KNDC1: variants seen among roughly 807,000 people sequenced by gnomAD.
KNDC1 encodes the protein kinase non-catalytic C-lobe domain containing 1, also known as kinase non-catalytic C-lobe domain-containing protein 1.
Under a neutral mutation model 172.8 loss-of-function variants are expected in KNDC1, and 106 were observed. The observed-to-expected ratio is 0.61, with a 90% CI of 0.52 to 0.72. KNDC1 has a LOEUF of 0.72. KNDC1 is among the 30% of genes least tolerant of loss of function. KNDC1 has a pLI of 0.00. For synonymous variants in KNDC1, 1,083 were observed against 1,062.2 expected (o/e 1.02, Z -0.38); for missense variants, 2,325 against 2,394.5 (o/e 0.97, Z 0.61).
At chr10:133,213,434 G>A (rs1845411928) in intron 24 of KNDC1, among the ~76,000 whole-genome samples, 1 of 152,238 alleles carries the variant, frequency 6.6e-6, no homozygotes, top group Non-Finnish European at 1.5e-5. Context: ...TCCACCTGCT[G>A]TCACGAGGGC....
intron 1 of KNDC1, among the ~76,000 whole-genome samples, chr10:133,162,537 C>A (rs1029463224): frequency 1.3e-5 from 2 of 152,206 alleles, no homozygotes; most frequent in East Asian, 1.9e-4. Flanking sequence ...GGACACCCAC[C>A]GGAGCCCCTG....
rs991955382 is a variant in KNDC1, at chr10:133,212,897, T to A, written c.4418T>A (p.Phe1473Tyr). The A allele has an allele frequency of 4.3e-6, 7 of 1,613,282 alleles. No individual in the cohort carries two copies. Among genetic ancestry groups the A allele is most frequent in the Non-Finnish European group, 5.9e-6 (7 of 1,179,542 alleles). ...ACGGAGTACAGCACTCACCAGCTCT[T>A]CAGCCAGCTCACGCTGCTACAGCAG... ...FLTEYSTHQLFSQLTLLQQEL... is the reference protein window; with the variant it reads ...FLTEYSTHQLYSQLTLLQQEL... Residue 1473 changes from phenylalanine (F) to tyrosine (Y), a missense_variant, in exon 24 of 30, where the codon TTC becomes TAC. Transcript: ENST00000304613.
intron 20 of KNDC1, 46 bp from the exon 21 acceptor site, chr10:133,210,565 G>C (rs1845342189): frequency 8.6e-7 from 1 of 1,167,728 alleles, no homozygotes; most frequent in Non-Finnish European, 1.3e-6. Flanking sequence ...CGAGCCCTGG[G>C]GTGCGGCCAC....
chr10:133,162,189 A>G (rs1472192120), intron 1 of KNDC1, among the ~76,000 whole-genome samples: 1 of 152,146 alleles, frequency 6.6e-6, no homozygotes, highest in East Asian at 1.9e-4. Context: ...CCCTGGCCCA[A>G]CCCTGTGCCC....
intron 29 of KNDC1, among the ~76,000 whole-genome samples, chr10:133,221,533 T>C (rs1845588126): frequency 6.6e-6 from 1 of 152,072 alleles, no homozygotes; most frequent in Admixed American, 6.5e-5. Flanking sequence ...TCTCATCTCA[T>C]CGCCTGCCGT....
In KNDC1 at chr10:133,201,608, G is replaced by C. The variant is rs1437037867; in HGVS notation, c.3097G>C (p.Gly1033Arg). The C allele has an allele frequency of 6.2e-7, 1 of 1,613,016 alleles. No individual in the cohort carries two copies. The highest frequency in any genetic ancestry group is 2.2e-5 in the East Asian group (1 of 44,880). The change falls in exon 17 of 30, where the codon GGG (glycine) becomes CGG (arginine). Residue 1033 changes from glycine to arginine, a missense_variant. Physicochemically the swap from Gly to Arg is moderately radical, Grantham distance 125. Transcript: ENST00000304613. Reference protein sequence around the residue: ...DALSRGNFEVGFRPQRSVKAE... With the variant: ...DALSRGNFEVRFRPQRSVKAE... ...ACTGTCACGGGGAAACTTCGAGGTGGGGTTTCGGCCTCAGAGGTCCGTAAA... is the reference window on the plus strand; with the variant it reads ...ACTGTCACGGGGAAACTTCGAGGTGCGGTTTCGGCCTCAGAGGTCCGTAAA...
At chr10:133,190,225 A>AAGAGCACT (rs1249627327) in intron 9 of KNDC1, among the ~76,000 whole-genome samples, 1 of 152,210 alleles carries the variant, frequency 6.6e-6, no homozygotes, top group Non-Finnish European at 1.5e-5. Flanking sequence ...CCCACCGAGG[A>AAGAGCACT]AGAGCACTAA....
At chr10:133,208,734 C>G (rs1046418075) in intron 20 of KNDC1, among the ~76,000 whole-genome samples, 1 of 152,192 alleles carries the variant, frequency 6.6e-6, no homozygotes, top group East Asian at 1.9e-4. Context: ...GTCTCTGTGC[C>G]GTTGCGGGAG....
intron 3 of KNDC1, among the ~76,000 whole-genome samples, chr10:133,168,637 G>A (rs958700082): frequency 6.6e-6 from 1 of 152,216 alleles, no homozygotes; most frequent in Non-Finnish European, 1.5e-5. Context: ...CAGGTTTTCT[G>A]GAATGCGAAT....
chr10:133,184,258 G>A (rs1394189173), intron 5 of KNDC1, among the ~76,000 whole-genome samples: 3 of 122,974 alleles, frequency 2.4e-5, no homozygotes, highest in East Asian at 2.5e-4. Context: ...GCACACACAC[G>A]TTACACACAC....
chr10:133,165,508 T>G (rs945340464), intron 1 of KNDC1, among the ~76,000 whole-genome samples: 1 of 152,124 alleles, frequency 6.6e-6, no homozygotes, highest in Non-Finnish European at 1.5e-5. Flanking sequence ...GAGACGCGCC[T>G]CATGCTGACT....
At chr10:133,170,291 C>T (rs1314278611) in intron 3 of KNDC1, among the ~76,000 whole-genome samples, 2 of 152,210 alleles carry the variant, frequency 1.3e-5, no homozygotes, top group African/African-American at 4.8e-5. Context: ...CCCCCAACTG[C>T]AGGCCCGAGA....
At chr10:133,170,643 A>C (rs1378518031) in intron 3 of KNDC1, among the ~76,000 whole-genome samples, 2 of 152,280 alleles carry the variant, frequency 1.3e-5, no homozygotes, top group Non-Finnish European at 2.9e-5. Context: ...TTCATTTAAA[A>C]ATCACAATAC....
intron 2 of KNDC1, 108 bp downstream of exon 2, chr10:133,167,687 C>T (rs1042417875): frequency 2.7e-5 from 34 of 1,242,464 alleles, no homozygotes; most frequent in East Asian, 1.8e-4. Flanking sequence ...GGAGCATGCC[C>T]GGACCCGGGT....
chr10:133,221,750 T>C (rs937321435), intron 29 of KNDC1, among the ~76,000 whole-genome samples: 2 of 152,196 alleles, frequency 1.3e-5, no homozygotes, highest in Non-Finnish European at 2.9e-5. Flanking sequence ...TCGTAAGAGA[T>C]CAGAAAACCC....
Position 133,224,665 on chromosome 10 carries a change from C to T in KNDC1, c.5025C>T (p.Ile1675=), listed in dbSNP as rs371695198. 35 of 1,613,780 alleles carry T rather than the reference C, an allele frequency of 2.2e-5. 1 individual carries two copies. The highest frequency in any genetic ancestry group is 1.5e-4 in the Admixed American group (9 of 60,008). The change falls in exon 30 of 30, where the codon ATC becomes ATT. Residue 1675 remains isoleucine (I), a synonymous_variant. Coordinates refer to ENST00000304613, the MANE Select transcript of KNDC1 (RefSeq NM_152643.8). The surrounding 1 kb of genome is among the most constrained non-coding windows in gnomAD (Gnocchi z 5.4). ...GAHRWSKLRN[I]AKVVSQVHAF... is the part of the protein sequence containing the mutation. The stretch of plus-strand genomic sequence containing the variant: ...CTTCTTTCCTCAACGGAAGGAACAT[C>T]GCAAAGGTGGTGAGCCAGGTGCACG...
chr10:133,210,314 G>A (rs1176279979), intron 20 of KNDC1, among the ~76,000 whole-genome samples: 6 of 146,386 alleles, frequency 4.1e-5, no homozygotes, highest in African/African-American at 1.5e-4. Flanking sequence ...CCTGGGAGGC[G>A]GAGATCACAC....
At chr10:133,205,967 G>A (rs534572826) in intron 17 of KNDC1, among the ~76,000 whole-genome samples, 13 of 152,346 alleles carry the variant, frequency 8.5e-5, no homozygotes, top group African/African-American at 2.6e-4. Context: ...CTGGGAGGCC[G>A]AGGCGGGCAG....
chr10:133,161,480 C>G (rs942156585), intron 1 of KNDC1, among the ~76,000 whole-genome samples: 35 of 152,178 alleles, frequency 2.3e-4, no homozygotes, highest in African/African-American at 7.5e-4. Flanking sequence ...GGGCCTGACC[C>G]CCTCGCAGTC....
Sources: allele counts gnomAD v4.1 joint callset (sites outside exome capture counted in the v4.1 genomes callset), GRCh38; gene constraint gnomAD v4.1.1; non-coding constraint Gnocchi (gnomAD v3.1); transcripts MANE v1.5; gene names NCBI Gene and HGNC (gene_info 2026-07-23, HGNC 2026-07-21).